PGM5: variants seen among roughly 807,000 people sequenced by gnomAD.
PGM5 encodes the protein phosphoglucomutase 5.
A neutral mutation model predicts 59.2 loss-of-function variants in PGM5; 23 were observed. The ratio of observed to expected loss-of-function variants is 0.39; its 90% CI spans 0.28 to 0.55. The LOEUF is 0.55. Among genes scored for constraint, PGM5 ranks in the 20% least tolerant of loss-of-function variants. The probability of loss-of-function intolerance (pLI) is 0.66; values close to 1 mark genes in which losing one functional copy is unlikely to be tolerated. For missense variants in PGM5, 574 were observed against 748.3 expected, an observed-to-expected ratio of 0.77 and a Z score of 2.72; for synonymous variants, 214 against 286.0, an observed-to-expected ratio of 0.75 and a Z score of 2.54.
intron 6 of PGM5, among the ~76,000 whole-genome samples, chr9:68,436,593 C>G (rs1823445511): frequency 6.6e-6 from 1 of 152,112 alleles, no homozygotes; most frequent in Non-Finnish European, 1.5e-5. Context: ...TTTAGCATTT[C>G]CTGTATGTCT....
chr9:68,441,021 C>T (rs1823521102), intron 6 of PGM5, among the ~76,000 whole-genome samples: 1 of 152,120 alleles, frequency 6.6e-6, no homozygotes, highest in East Asian at 1.9e-4. Context: ...GAGGACACTA[C>T]AGACAACTCT....
In PGM5 at chr9:68,409,492, T is replaced by C. The variant is rs529819711; in HGVS notation, c.1043+17019T>C. Among the ~76,000 whole-genome samples the C allele has an allele frequency of 1.2e-4, 15 of 129,074 alleles. No individual in the cohort carries two copies. The East Asian group carries it at 1.3e-3, about 11-fold the overall frequency. 84.7% of individuals were successfully genotyped at this position (129,074 alleles called of 152,430 possible). On this transcript the variant is annotated intron_variant, in intron 6 of 10. Coordinates refer to ENST00000396396, the MANE Select transcript of PGM5 (RefSeq NM_021965.4). ...AACCAACCCAAATGTCCAACAATGA[T>C]AGACTGGATTAAGAAAATGTGGCAC...
At chr9:68,409,177 A>G (rs1822877277) in intron 6 of PGM5, among the ~76,000 whole-genome samples, 1 of 150,274 alleles carries the variant, frequency 6.7e-6, no homozygotes, top group South Asian at 2.1e-4. Context: ...ACAATGAGAT[A>G]CCATCTCACA....
rs907175460 is a variant in PGM5, at chr9:68,530,768, G to T, written c.*1112G>T. On this transcript the variant is annotated 3_prime_UTR_variant, in exon 11 of 11. Transcript: ENST00000396396. ...CTGGCTTTCCTCACTTGGGAAAAGG[G>T]TACTGCCGGTCTAGCAGCCTCCTCT... 1 of 152,264 alleles carries T rather than the reference G, an allele frequency of 6.6e-6. No homozygotes were observed. The highest frequency in any genetic ancestry group is 2.4e-5 in the African/African-American group (1 of 41,442). The allele number at this position is 152,264 out of a possible 1,614,324, so 9.4% of individuals were successfully genotyped here.
intron 2 of PGM5, 25 bp from the exon 3 acceptor site, chr9:68,384,373 T>C (rs1554678647): frequency 1.9e-6 from 3 of 1,564,430 alleles, no homozygotes; most frequent in Admixed American, 1.7e-5. Context: ...TTCAAAAACA[T>C]GTATTTTTGG....
At position 68,391,656 on chromosome 9, in the gene PGM5, G is replaced by A; in HGVS notation, c.820G>A (p.Ala274Thr). Residue 274 changes from alanine to threonine, a missense_variant, in exon 5 of 11, where the codon GCA becomes ACA. By Grantham distance (58) the Ala-to-Thr change is moderately conservative. Around this residue, in one of 7 missense-constraint regions of PGM5, gnomAD observed 34 missense variants for 48.1 expected, o/e 0.71. Coordinates refer to ENST00000396396, the MANE Select transcript of PGM5 (RefSeq NM_021965.4). ...GCACCCTGACCCAAACCTGACATAT[G>A]CAACGACTCTTCTGGAAGCAATGAA... ...GQHPDPNLTY[A>T]TTLLEAMKGG... 1 of 1,613,304 alleles carries A rather than the reference G, an allele frequency of 6.2e-7. No homozygotes were observed. Among genetic ancestry groups the A allele is most frequent in the Non-Finnish European group, 8.5e-7 (1 of 1,179,450 alleles).
At chr9:68,520,739 A>C (rs887963538) in intron 10 of PGM5, among the ~76,000 whole-genome samples, 1 of 152,258 alleles carries the variant, frequency 6.6e-6, no homozygotes, top group Non-Finnish European at 1.5e-5. Flanking sequence ...TTAATATCAT[A>C]AAACGGTATT....
At chr9:68,405,249 T>A (rs1554681005) in intron 6 of PGM5, 1 of 152,172 alleles carries the variant, frequency 6.6e-6, no homozygotes, top group East Asian at 1.9e-4. Flanking sequence ...TTCCCCTCAT[T>A]AGGTAGAGCT....
intron 6 of PGM5, among the ~76,000 whole-genome samples, chr9:68,444,257 C>T (rs1823576210): frequency 6.6e-6 from 1 of 152,078 alleles, no homozygotes; most frequent in Non-Finnish European, 1.5e-5. Context: ...CCCACCCATC[C>T]AACTGCAAGT....
intron 6 of PGM5, among the ~76,000 whole-genome samples, chr9:68,411,422 TGTGTATATATATACACATATATGTA>T (rs1822928874): frequency 7.4e-6 from 1 of 135,374 alleles, no homozygotes; most frequent in Non-Finnish European, 1.6e-5. Flanking sequence ...CACATACATG[TGTGTATATATATACACATATATGTA>T]GTGTGTGTAT....
chr9:68,521,838 T>C (rs902843117), intron 10 of PGM5, among the ~76,000 whole-genome samples: 1 of 152,208 alleles, frequency 6.6e-6, no homozygotes, highest in Admixed American at 6.5e-5. Context: ...AGCAGCACAG[T>C]GAAAGGGCTC....
chr9:68,387,147 A>G (rs263789), intron 3 of PGM5, among the ~76,000 whole-genome samples: 51,515 of 149,992 alleles, frequency 0.34, 9,119 homozygotes, highest in African/African-American at 0.39. Flanking sequence ...TTTGGGAGGG[A>G]AAGTGGGAGC....
chr9:68,394,822 A>G (rs1822457517), intron 6 of PGM5, among the ~76,000 whole-genome samples: 1 of 152,002 alleles, frequency 6.6e-6, no homozygotes, highest in African/African-American at 2.4e-5. Context: ...AGATCTTGCT[A>G]TGTTGCCTAG....
chr9:68,521,346 G>A (rs1011220048), intron 10 of PGM5, among the ~76,000 whole-genome samples: 1 of 152,230 alleles, frequency 6.6e-6, no homozygotes, highest in Non-Finnish European at 1.5e-5. Context: ...TATATAAAAT[G>A]GCAGTGAGGA....
intron 1 of PGM5, among the ~76,000 whole-genome samples, chr9:68,376,866 TTCTTTC>T (rs1293479095): frequency 1.0e-4 from 15 of 143,206 alleles, no homozygotes; most frequent in Non-Finnish European, 2.0e-4. Flanking sequence ...TCTTTCTTTT[TTCTTTC>T]TCTTTCTTTC....
At chr9:68,483,665 G>T (rs1824236635) in intron 8 of PGM5, among the ~76,000 whole-genome samples, 200 bp from the exon 9 acceptor site, 2 of 152,202 alleles carry the variant, frequency 1.3e-5, no homozygotes, top group African/African-American at 2.4e-5. Flanking sequence ...AAAGTGGCAT[G>T]ATTTGATTTT....
At chr9:68,419,550 CT>C (rs1823093283) in intron 6 of PGM5, among the ~76,000 whole-genome samples, 3 of 152,158 alleles carry the variant, frequency 2.0e-5, no homozygotes, top group African/African-American at 7.2e-5. Flanking sequence ...AGAAGCCATA[CT>C]TTAGGGGTCC....
intron 6 of PGM5, among the ~76,000 whole-genome samples, chr9:68,417,386 A>C (rs1431112945): frequency 6.6e-6 from 1 of 152,012 alleles, no homozygotes; most frequent in African/African-American, 2.4e-5. Context: ...ATCCCTGTCA[A>C]ATCTAGGAGA....
intron 10 of PGM5, among the ~76,000 whole-genome samples, chr9:68,500,614 A>G (rs1554688586): frequency 1.3e-5 from 2 of 152,206 alleles, no homozygotes; most frequent in Admixed American, 1.3e-4. Context: ...CATTTCTCCC[A>G]AGATAGTACC....
Sources: gnomAD v4.1 joint callset for allele counts (sites outside exome capture counted in the v4.1 genomes callset) on GRCh38, gnomAD v4.1.1 for gene constraint, gnomAD v4.1.1 regional missense constraint, MANE v1.5 for transcripts, NCBI Gene and HGNC (gene_info 2026-07-23, HGNC 2026-07-21) for gene names.